Variants in SH3RF1 observed in about 807,000 individuals in gnomAD.
SH3RF1 encodes E3 ubiquitin-protein ligase SH3RF1.
SH3RF1 carries 32 observed loss-of-function variants against 74.0 expected under a neutral mutation model. The observed-to-expected ratio is 0.43, with a 90% CI of 0.33 to 0.58. The LOEUF (loss-of-function observed/expected upper bound fraction) is 0.58. SH3RF1 is among the 20% of genes least tolerant of loss of function. The pLI is 0.05. For synonymous variants in SH3RF1, 396 were observed against 439.6 expected, an observed-to-expected ratio of 0.90 and a Z score of 1.24; for missense variants, 954 against 1,130.9, an observed-to-expected ratio of 0.84 and a Z score of 2.24.
At position 169,244,645 on chromosome 4, in the gene SH3RF1, T is replaced by C. The variant is rs117123818; in HGVS notation, c.393+24175A>G. On this transcript the variant is annotated intron_variant, in intron 2 of 11. Transcript: ENST00000284637. ...ACATCCTGACTAACCAAAATGTAGG[T>C]AGAAAGAGTTAACCTAAACTGATAT... Among the ~76,000 whole-genome samples, 3 of 152,266 alleles carry C rather than the reference T, an allele frequency of 2.0e-5. No homozygotes were observed. The East Asian group carries it at 5.8e-4, about 29-fold the overall frequency.
In SH3RF1 at chr4:169,122,165, T is replaced by C. The variant is rs780137743; in HGVS notation, c.1281A>G (p.Gly427=). Residue 427 remains glycine, a synonymous_variant, in exon 7 of 12, where the codon GGA becomes GGG. Transcript: ENST00000284637. The part of the protein sequence containing the change: ...ATAAAAAAGM[G]PRPMAGSTDQ... ...CAGTGGATCCTGCCATGGGCCTCGG[T>C]CCCATTCCAGCAGCAGCAGCAGCGG... The C allele has an allele frequency of 6.8e-6, 11 of 1,613,434 alleles. No homozygotes were observed. Among genetic ancestry groups the C allele is most frequent in the Non-Finnish European group, 9.3e-6 (11 of 1,180,014 alleles).
chr4:169,209,351 C>CTTCAG (rs1730320453), intron 2 of SH3RF1, among the ~76,000 whole-genome samples: 1 of 151,790 alleles, frequency 6.6e-6, no homozygotes, highest in Non-Finnish European at 1.5e-5. Context: ...CCAACTTGTC[C>CTTCAG]TTCAGTTCTC....
intron 2 of SH3RF1, among the ~76,000 whole-genome samples, chr4:169,156,982 A>G (rs1734070234): frequency 6.6e-6 from 1 of 152,220 alleles, no homozygotes; most frequent in South Asian, 2.1e-4. Context: ...ATATGAAAGC[A>G]TGACTGCCAG....
rs543640657 is a variant in SH3RF1 at position 169,107,239 on chromosome 4, AATG to A, written c.2140-37_2140-35del. On this transcript the variant is annotated intron_variant, in intron 10 of 11. Coordinates refer to ENST00000284637, the MANE Select transcript of SH3RF1 (RefSeq NM_020870.4). ...AAAAAATAATGAGCCTTAGTTGGAG[AATG>A]ACAGTACTATTGCTGGTGTAATCTA... 6.7e-4 allele frequency: 1,002 copies of A among 1,504,568 alleles called. 9 individuals carry two copies. In the African/African-American group the frequency reaches 0.012, roughly 18 times the overall value. 93.2% of individuals were successfully genotyped at this position (1,504,568 alleles called of 1,614,324 possible). A position where few individuals can be genotyped will look rare whatever the true frequency, so the allele number is the denominator to read the frequency against.
At chr4:169,248,143 T>C (rs1466885577) in intron 2 of SH3RF1, among the ~76,000 whole-genome samples, 4 of 152,212 alleles carry the variant, frequency 2.6e-5, no homozygotes, top group African/African-American at 9.7e-5. Flanking sequence ...GGTGGATATA[T>C]ACCCAAAGGA....
In SH3RF1 at chr4:169,130,083, G is replaced by A. The variant is rs1251889270; in HGVS notation, c.1142C>T (p.Thr381Ile). 2 of 1,613,494 alleles carry A rather than the reference G, an allele frequency of 1.2e-6. No individual in the cohort carries two copies. Among genetic ancestry groups the A allele is most frequent in the Non-Finnish European group, 1.7e-6 (2 of 1,179,890 alleles). ...TTGGTAGGGAACATCTGATGGGAAA[G>A]TAAACGAGGGGCCAGTTGTCACTGG... ...SSPVTTGPSF[T>I]FPSDVPYQAA... The change falls in exon 6 of 12, where the codon ACT (threonine) becomes ATT (isoleucine). Residue 381 changes from threonine (T) to isoleucine (I), a missense_variant. Physicochemically the swap from Thr to Ile is moderately conservative, Grantham distance 89. Around this residue, in one of 3 missense-constraint regions of SH3RF1, gnomAD observed 854 missense variants for 962.5 expected, o/e 0.89. Transcript: ENST00000284637.
intron 10 of SH3RF1, among the ~76,000 whole-genome samples, chr4:169,109,515 T>C (rs1289763329): frequency 1.3e-5 from 2 of 151,528 alleles, no homozygotes; most frequent in African/African-American, 4.9e-5. Context: ...GGGTAAGGGG[T>C]GGGAGGTGGT....
intron 2 of SH3RF1, among the ~76,000 whole-genome samples, chr4:169,211,215 G>A (rs1730355975): frequency 6.6e-6 from 1 of 151,574 alleles, no homozygotes; most frequent in Admixed American, 6.6e-5. Context: ...GAGCACGGTG[G>A]CTCATGCCTG....
At chr4:169,270,283 C>T (rs1213583574) in intron 1 of SH3RF1, among the ~76,000 whole-genome samples, 1 of 152,102 alleles carries the variant, frequency 6.6e-6, no homozygotes, top group Non-Finnish European at 1.5e-5. Context: ...CGCAGGGAGG[C>T]GCGGCGGCCG....
At chr4:169,127,440 T>G (rs1237305317) in intron 6 of SH3RF1, among the ~76,000 whole-genome samples, 2 of 152,226 alleles carry the variant, frequency 1.3e-5, no homozygotes, top group African/African-American at 4.8e-5. Context: ...ATAGAATGCT[T>G]GACACAATTA....
intron 11 of SH3RF1, among the ~76,000 whole-genome samples, chr4:169,099,482 G>A (rs1163119385): frequency 6.6e-6 from 1 of 152,186 alleles, no homozygotes; most frequent in East Asian, 1.9e-4. Flanking sequence ...ATGTCAACAT[G>A]CTAAAAATCC....
At chr4:169,225,306 T>C (rs1275353726) in intron 2 of SH3RF1, among the ~76,000 whole-genome samples, 2 of 152,086 alleles carry the variant, frequency 1.3e-5, no homozygotes, top group African/African-American at 4.8e-5. Context: ...GTAGGAAAAG[T>C]CAGCTGGATT....
At chr4:169,264,725 T>G (rs948223943) in intron 2 of SH3RF1, among the ~76,000 whole-genome samples, 1 of 152,190 alleles carries the variant, frequency 6.6e-6, no homozygotes, top group Non-Finnish European at 1.5e-5. Context: ...GCACTTCCTA[T>G]CTATCCTACC....
chr4:169,230,811 G>A (rs147443414), intron 2 of SH3RF1, among the ~76,000 whole-genome samples: 1,533 of 146,988 alleles, frequency 0.01, 27 homozygotes, highest in African/African-American at 0.037. Flanking sequence ...AGCTGAGATC[G>A]TGCCATTGCA....
rs140125414 is a variant in SH3RF1 at position 169,118,602 on chromosome 4, C to T, written c.1518-820G>A. Reference sequence around the variant, plus strand: ...TCCCGAGTAGCTGGGAGTACAGGCACGCGCCACCATGCCCGGCTACTTTTT... The same window carrying T: ...TCCCGAGTAGCTGGGAGTACAGGCATGCGCCACCATGCCCGGCTACTTTTT... On this transcript the variant is annotated intron_variant, in intron 8 of 11. Coordinates refer to ENST00000284637, the MANE Select transcript of SH3RF1 (RefSeq NM_020870.4). Among the ~76,000 whole-genome samples the T allele has an allele frequency of 1.6e-4, 25 of 152,076 alleles. No individual in the cohort carries two copies. In the East Asian group the frequency reaches 4.1e-3, roughly 25 times the overall value.
intron 2 of SH3RF1, among the ~76,000 whole-genome samples, chr4:169,212,278 G>A (rs184996848): frequency 1.6e-4 from 24 of 151,638 alleles, no homozygotes; most frequent in African/African-American, 5.6e-4. Context: ...TGGTCAGGCT[G>A]GTCTTAATCT....
intron 11 of SH3RF1, among the ~76,000 whole-genome samples, chr4:169,106,644 A>G (rs1733143645): frequency 6.6e-6 from 1 of 152,190 alleles, no homozygotes; most frequent in African/African-American, 2.4e-5. Flanking sequence ...GCTGGGGACC[A>G]ACCCATTAAG....
intron 2 of SH3RF1, among the ~76,000 whole-genome samples, chr4:169,260,888 C>T (rs547611733): frequency 4.6e-5 from 7 of 152,116 alleles, no homozygotes; most frequent in Non-Finnish European, 1.0e-4. Flanking sequence ...ATAATCTTTT[C>T]GGTATCTTTT....
At chr4:169,235,676 T>A (rs1378790345) in intron 2 of SH3RF1, among the ~76,000 whole-genome samples, 3 of 152,074 alleles carry the variant, frequency 2.0e-5, no homozygotes, top group African/African-American at 7.2e-5. Flanking sequence ...TATAAAGGGA[T>A]TTTACTTAAT....
Sources: allele counts gnomAD v4.1 joint callset (sites outside exome capture counted in the v4.1 genomes callset), GRCh38; gene constraint gnomAD v4.1.1; regional missense constraint gnomAD v4.1.1; transcripts MANE v1.5; gene names NCBI Gene and HGNC (gene_info 2026-07-23, HGNC 2026-07-21).